POFUT3: variants seen among roughly 807,000 people sequenced by gnomAD.
The protein encoded by POFUT3 is protein O-fucosyltransferase 3.
chr8:33,379,969 A>ATATATACACTC, the POFUT3 span, among the ~76,000 whole-genome samples: 4 of 104,194 alleles, frequency 3.8e-5, no homozygotes, highest in Non-Finnish European at 7.1e-5. Context: ...TATATACACT[A>ATATATACACTC]TATATACACT....
At chr8:33,436,559 C>G in the POFUT3 span, 1 of 923,762 alleles carries the variant, frequency 1.1e-6, no homozygotes, top group Admixed American at 1.7e-5. Flanking sequence ...GCATCTTCCT[C>G]TGCAGTTCTG....
the POFUT3 span, among the ~76,000 whole-genome samples, chr8:33,344,580 T>G: frequency 6.6e-6 from 1 of 152,186 alleles, no homozygotes; most frequent in East Asian, 1.9e-4. Context: ...TTACAGCAGC[T>G]AATTGGATGA....
chr8:33,318,061 A>C, the POFUT3 span, among the ~76,000 whole-genome samples: 1 of 152,156 alleles, frequency 6.6e-6, no homozygotes, highest in African/African-American at 2.4e-5. Context: ...GCAAAGTGTC[A>C]GACAGGTGAG....
chr8:33,345,884 G>C, the POFUT3 span, among the ~76,000 whole-genome samples: 1 of 149,736 alleles, frequency 6.7e-6, no homozygotes, highest in East Asian at 2.0e-4. Flanking sequence ...GGAGTGCAAC[G>C]GGGTGATCTT....
At chr8:33,321,557 C>G in the POFUT3 span, among the ~76,000 whole-genome samples, 2 of 152,060 alleles carry the variant, frequency 1.3e-5, no homozygotes, top group Non-Finnish European at 2.9e-5. Context: ...TGGCTTCCCC[C>G]AAAGATGCTC....
chr8:33,398,188 C>T, the POFUT3 span, among the ~76,000 whole-genome samples: 1 of 152,192 alleles, frequency 6.6e-6, no homozygotes, highest in Non-Finnish European at 1.5e-5. Context: ...AAAATTAAGA[C>T]ACAATTACCC....
At chr8:33,373,037 C>A in the POFUT3 span, among the ~76,000 whole-genome samples, 1 of 152,106 alleles carries the variant, frequency 6.6e-6, no homozygotes, top group South Asian at 2.1e-4. Context: ...TAAATTGCCC[C>A]AAACAGTATA....
At chr8:33,375,602 C>G in the POFUT3 span, among the ~76,000 whole-genome samples, 4 of 152,070 alleles carry the variant, frequency 2.6e-5, no homozygotes, top group Non-Finnish European at 2.9e-5. Flanking sequence ...AAACAAAAAA[C>G]TGTATATGTA....
At chr8:33,453,231 C>T in the POFUT3 span, 2 of 1,614,136 alleles carry the variant, frequency 1.2e-6, no homozygotes, top group Non-Finnish European at 1.7e-6. Flanking sequence ...AAGAGGAATG[C>T]TTTGGTCATG....
chr8:33,308,589 C>A, the POFUT3 span, among the ~76,000 whole-genome samples: 1 of 152,156 alleles, frequency 6.6e-6, no homozygotes. Flanking sequence ...AACATGGACA[C>A]AAACAATGGT....
the POFUT3 span, among the ~76,000 whole-genome samples, chr8:33,459,786 C>T: frequency 6.6e-4 from 101 of 152,212 alleles, 1 homozygote; most frequent in Admixed American, 1.2e-3. Context: ...GGGCTGGGAA[C>T]GGTGGCTCAC....
the POFUT3 span, among the ~76,000 whole-genome samples, chr8:33,357,514 A>ATGTG: frequency 7.0e-3 from 1,046 of 149,062 alleles, 19 homozygotes; most frequent in African/African-American, 0.025. Context: ...ATATATATGT[A>ATGTG]TGTGTGTGTG....
At chr8:33,418,389 T>C in the POFUT3 span, among the ~76,000 whole-genome samples, 5 of 147,866 alleles carry the variant, frequency 3.4e-5, no homozygotes, top group Non-Finnish European at 5.9e-5. Context: ...ATGCTGGTGA[T>C]GATGTGGGAA....
At chr8:33,410,996 T>G in the POFUT3 span, among the ~76,000 whole-genome samples, 2 of 152,232 alleles carry the variant, frequency 1.3e-5, no homozygotes, top group African/African-American at 2.4e-5. Flanking sequence ...GTCCCCTCTG[T>G]CTAATAATGA....
At chr8:33,454,674 C>CT in the POFUT3 span, among the ~76,000 whole-genome samples, 1,646 of 141,122 alleles carry the variant, frequency 0.012, 16 homozygotes, top group Middle Eastern at 0.041. Context: ...AGTTTTGCCT[C>CT]TTTTTTTTTT....
chr8:33,372,647 A>T, the POFUT3 span: 1 of 1,614,022 alleles, frequency 6.2e-7, no homozygotes. Flanking sequence ...CAGCCACCTT[A>T]GTGCCTGGGC....
chr8:33,452,043 A>C, the POFUT3 span: 2 of 152,004 alleles, frequency 1.3e-5, no homozygotes, highest in Admixed American at 1.3e-4. Flanking sequence ...CAGCCAAACC[A>C]TATCAGTATA....
the POFUT3 span, chr8:33,453,010 T>C: frequency 3.3e-4 from 178 of 547,188 alleles, 1 homozygote; most frequent in African/African-American, 3.2e-3. Context: ...TGTTAGAGAA[T>C]TCAGAAGCCA....
chr8:33,344,754 T>C, the POFUT3 span, among the ~76,000 whole-genome samples: 1 of 152,152 alleles, frequency 6.6e-6, no homozygotes, highest in African/African-American at 2.4e-5. Flanking sequence ...CTAAGGTGAC[T>C]AAAGACACAT....
Sources: gnomAD v4.1 joint callset for allele counts (sites outside exome capture counted in the v4.1 genomes callset) on GRCh38, gnomAD v4.1.1 for gene constraint, MANE v1.5 for transcripts, NCBI Gene and HGNC (gene_info 2026-07-23, HGNC 2026-07-21) for gene names.